The following PDK1 variants were observed in gnomAD, a reference collection of about 807,000 sequenced individuals.
The protein encoded by PDK1 is [Pyruvate dehydrogenase (acetyl-transferring)] kinase isozyme 1, mitochondrial.
PDK1 carries 39 observed loss-of-function variants against 54.2 expected under a neutral mutation model. The observed-to-expected ratio is 0.72, with a 90% CI of 0.56 to 0.94. The LOEUF is 0.94. PDK1 is among the 40% of genes least tolerant of loss of function. The pLI, the probability that PDK1 is intolerant of heterozygous loss-of-function variation, is 0.00. For missense variants in PDK1, 552 were observed against 566.0 expected (o/e 0.98, Z 0.25); for synonymous variants, 221 against 207.1 (o/e 1.07, Z -0.58).
the PDK1 span, among the ~76,000 whole-genome samples, chr2:172,682,886 T>C: frequency 1.3e-5 from 2 of 152,016 alleles, no homozygotes; most frequent in African/African-American, 4.8e-5. Flanking sequence ...GGCTGGACCA[T>C]GAATATATTT....
At chr2:172,681,886 T>C in the PDK1 span, among the ~76,000 whole-genome samples, 6 of 152,282 alleles carry the variant, frequency 3.9e-5, no homozygotes, top group Middle Eastern at 3.4e-3. Flanking sequence ...AAACTCCTGA[T>C]AGATGGGACT....
intron 10 of PDK1, among the ~76,000 whole-genome samples, chr2:172,593,899 A>G (rs570837970): frequency 2.0e-5 from 3 of 152,278 alleles, no homozygotes; most frequent in East Asian, 1.9e-4. Flanking sequence ...ACTAGATGGC[A>G]TCTATTTTAT....
the PDK1 span, among the ~76,000 whole-genome samples, chr2:172,644,657 G>A: frequency 4.6e-5 from 7 of 152,212 alleles, no homozygotes; most frequent in African/African-American, 4.8e-5. Flanking sequence ...GCTCTGAGCC[G>A]CAGGATAAAT....
intron 9 of PDK1, among the ~76,000 whole-genome samples, chr2:172,592,076 C>A (rs1386550071): frequency 6.6e-6 from 1 of 152,174 alleles, no homozygotes; most frequent in Non-Finnish European, 1.5e-5. Context: ...AGATTTAGAT[C>A]CCCTGTTAGG....
At chr2:172,697,322 T>A in the PDK1 span, among the ~76,000 whole-genome samples, 29 of 152,318 alleles carry the variant, frequency 1.9e-4, 1 homozygote, top group African/African-American at 6.5e-4. Flanking sequence ...TGGCAAATAA[T>A]AAATGGCACG....
the PDK1 span, among the ~76,000 whole-genome samples, chr2:172,683,573 T>C: frequency 6.6e-6 from 1 of 152,132 alleles, no homozygotes; most frequent in South Asian, 2.1e-4. Flanking sequence ...CAAGTGAAGA[T>C]GTTGAATAGA....
At chr2:172,674,082 A>AT in the PDK1 span, 1 of 152,250 alleles carries the variant, frequency 6.6e-6, no homozygotes, top group Non-Finnish European at 1.5e-5. Context: ...CTAACAATTT[A>AT]TTGTGAGATG....
chr2:172,720,357 C>T, the PDK1 span, among the ~76,000 whole-genome samples: 127 of 152,116 alleles, frequency 8.3e-4, 3 homozygotes, highest in South Asian at 0.023. Flanking sequence ...TCAAGTAATC[C>T]GCCCACCTCG....
intron 8 of PDK1, among the ~76,000 whole-genome samples, chr2:172,572,666 G>A (rs976620582): frequency 1.1e-4 from 16 of 152,044 alleles, no homozygotes; most frequent in Admixed American, 2.6e-4. Context: ...CAGAGGGTGC[G>A]GTGAGCCAAG....
At chr2:172,641,598 C>T in the PDK1 span, among the ~76,000 whole-genome samples, 16 of 152,018 alleles carry the variant, frequency 1.1e-4, no homozygotes, top group Non-Finnish European at 2.2e-4. Flanking sequence ...CCCGCCACCA[C>T]GCCCGGCTAA....
the PDK1 span, among the ~76,000 whole-genome samples, chr2:172,616,645 G>T: frequency 3.3e-5 from 5 of 152,102 alleles, no homozygotes; most frequent in African/African-American, 4.8e-5. Flanking sequence ...TGAGAAATAG[G>T]TTCATAGAGG....
the PDK1 span, among the ~76,000 whole-genome samples, chr2:172,669,530 A>G: frequency 1.3e-5 from 2 of 152,170 alleles, no homozygotes; most frequent in Admixed American, 6.5e-5. Flanking sequence ...TCCTTTGACT[A>G]TATACCCACT....
chr2:172,645,020 T>C, the PDK1 span, among the ~76,000 whole-genome samples: 1 of 151,386 alleles, frequency 6.6e-6, no homozygotes, highest in African/African-American at 2.4e-5. Context: ...TTACATTCGG[T>C]GGTGTGCTGG....
the PDK1 span, among the ~76,000 whole-genome samples, chr2:172,701,339 C>G: frequency 3.8e-3 from 572 of 152,280 alleles, 2 homozygotes; most frequent in Non-Finnish European, 6.5e-3. Flanking sequence ...ATAAGCTGAG[C>G]TTAATGAAAA....
chr2:172,630,917 A>C, the PDK1 span, among the ~76,000 whole-genome samples: 1 of 152,208 alleles, frequency 6.6e-6, no homozygotes, highest in African/African-American at 2.4e-5. Context: ...GGCATGAGCC[A>C]CTGCGCTCAG....
At chr2:172,672,907 G>A in the PDK1 span, among the ~76,000 whole-genome samples, 1 of 152,146 alleles carries the variant, frequency 6.6e-6, no homozygotes, top group African/African-American at 2.4e-5. Context: ...AAGTCATACA[G>A]CATCAAAGCA....
At chr2:172,645,260 CTTTTTTTTTT>C in the PDK1 span, among the ~76,000 whole-genome samples, 6 of 51,144 alleles carry the variant, frequency 1.2e-4, no homozygotes, top group East Asian at 2.6e-3. Context: ...ACAAAATAGG[CTTTTTTTTTT>C]TTTTTTTTTT....
At chr2:172,704,845 C>T in the PDK1 span, among the ~76,000 whole-genome samples, 1 of 152,142 alleles carries the variant, frequency 6.6e-6, no homozygotes, top group Non-Finnish European at 1.5e-5. Context: ...CAAGGAAGTT[C>T]TAGAAACTTT....
At chr2:172,691,605 T>A in the PDK1 span, among the ~76,000 whole-genome samples, 2 of 152,226 alleles carry the variant, frequency 1.3e-5, no homozygotes, top group Non-Finnish European at 2.9e-5. Context: ...CAACCACTGA[T>A]CGTTTTGCTA....
Sources: allele counts gnomAD v4.1 joint callset (sites outside exome capture counted in the v4.1 genomes callset), GRCh38; gene constraint gnomAD v4.1.1; transcripts MANE v1.5; gene names NCBI Gene and HGNC (gene_info 2026-07-23, HGNC 2026-07-21).